The following LRRK1 variants were observed in gnomAD, a reference collection of about 807,000 sequenced individuals.
LRRK1 encodes leucine-rich repeat serine/threonine-protein kinase 1.
A neutral mutation model predicts 209.1 loss-of-function variants in LRRK1; 113 were observed. The observed-to-expected ratio is 0.54, with a 90% CI of 0.46 to 0.63. The LOEUF is 0.63. LRRK1 is among the 30% of genes least tolerant of loss of function. LRRK1 has a pLI of 0.00. For missense variants in LRRK1, 2,284 were observed against 2,632.2 expected (o/e 0.87, Z 2.89); for synonymous variants, 1,144 against 1,099.7 (o/e 1.04, Z -0.80).
At position 100,973,923 on chromosome 15, in the gene LRRK1, CT is replaced by C; in HGVS notation, c.218del (p.Leu73ArgfsTer19). ...GGGAGACCGCGGCGGCGCCCGGGAC[CT>C]GCTGGAGGAGGCCTGCGACCAGTGC... ...RRGDRGGARD[L>X]LEEACDQCAS... On this transcript the variant is annotated frameshift_variant, in exon 3 of 34. Coordinates refer to ENST00000388948, the MANE Select transcript of LRRK1 (RefSeq NM_024652.6). LOFTEE classifies it high-confidence loss of function. The C allele has an allele frequency of 7.9e-7, 1 of 1,263,714 alleles. No homozygotes were observed. The highest frequency in any genetic ancestry group is 1.5e-5 in the African/African-American group (1 of 64,550). The allele number at this position is 1,263,714 out of a possible 1,614,324, so 78.3% of individuals were successfully genotyped here.
rs1219411342 is a variant in LRRK1 at position 100,919,649 on chromosome 15, G to A, written c.-123+198G>A. Among the ~76,000 whole-genome samples the A allele has an allele frequency of 6.6e-6, 1 of 151,170 alleles. No individual in the cohort carries two copies. Among genetic ancestry groups the A allele is most frequent in the Non-Finnish European group, 1.5e-5 (1 of 67,674 alleles). ...CCGCGGCCCGAGGGGCGCGGAGGGC[G>A]TGTGGGGCGACCCCGGTCTCACGTC... On this transcript the variant is annotated intron_variant, in intron 1 of 33. Coordinates refer to ENST00000388948, the MANE Select transcript of LRRK1 (RefSeq NM_024652.6). The surrounding 1 kb of genome is among the most constrained non-coding windows in gnomAD (Gnocchi z 5.8).
At chr15:100,935,609 C>T (rs990357508) in intron 2 of LRRK1, among the ~76,000 whole-genome samples, 1 of 152,036 alleles carries the variant, frequency 6.6e-6, no homozygotes, top group African/African-American at 2.4e-5. Context: ...AGAGAAGGCA[C>T]CAGGAGGGCC....
At chr15:100,948,352 G>T (rs981413029) in intron 2 of LRRK1, among the ~76,000 whole-genome samples, 1 of 152,112 alleles carries the variant, frequency 6.6e-6, no homozygotes, top group Non-Finnish European at 1.5e-5. Flanking sequence ...CATGGGTTTC[G>T]TCCCCGCCGT....
intron 20 of LRRK1, among the ~76,000 whole-genome samples, chr15:101,042,337 T>A (rs1274037654): frequency 6.6e-6 from 1 of 152,018 alleles, no homozygotes; most frequent in Non-Finnish European, 1.5e-5. Context: ...TTTTTAAAGG[T>A]GTCACCCCAT....
intron 22 of LRRK1, chr15:101,049,431 T>C: frequency 2.0e-6 from 1 of 506,672 alleles, no homozygotes; most frequent in Non-Finnish European, 3.4e-6. Flanking sequence ...ACTGCAATCT[T>C]CCTCGTGCCT....
intron 2 of LRRK1, among the ~76,000 whole-genome samples, chr15:100,948,538 T>G (rs974335030): frequency 6.6e-6 from 1 of 152,240 alleles, no homozygotes; most frequent in African/African-American, 2.4e-5. Context: ...TTTTTCTAAG[T>G]CGCCATTTGT....
chr15:100,962,292 G>C (rs985021747), intron 2 of LRRK1, among the ~76,000 whole-genome samples: 2 of 152,178 alleles, frequency 1.3e-5, no homozygotes, highest in African/African-American at 4.8e-5. Context: ...CACTTTGGGA[G>C]GCCAAGGCGG....
intron 2 of LRRK1, among the ~76,000 whole-genome samples, chr15:100,940,852 T>C (rs1185285968): frequency 6.6e-6 from 1 of 152,240 alleles, no homozygotes; most frequent in East Asian, 1.9e-4. Context: ...AGCTGTCTTA[T>C]CTCAGTGACT....
At position 101,022,234 on chromosome 15, in the gene LRRK1, C is replaced by T; in HGVS notation, c.1853-149C>T. 2 of 791,358 alleles carry T rather than the reference C, an allele frequency of 2.5e-6. No individual in the cohort carries two copies. Among genetic ancestry groups the T allele is most frequent in the Non-Finnish European group, 2.0e-6 (1 of 489,908 alleles). 49.0% of individuals were successfully genotyped at this position (791,358 alleles called of 1,614,324 possible). A position where few individuals can be genotyped will look rare whatever the true frequency, so the allele number is the denominator to read the frequency against. On this transcript the variant is annotated intron_variant, in intron 14 of 33. Transcript: ENST00000388948. The surrounding 1 kb of genome is among the most constrained non-coding windows in gnomAD (Gnocchi z 4.0). The stretch of plus-strand genomic sequence containing the variant: ...AGTTCGCTTTTAGGGTGGTTAGTGT[C>T]ATGCCTTCCCTCCCCCTGATCCAGT...
At position 100,948,386 on chromosome 15, in the gene LRRK1, G is replaced by A. The variant is rs541314200; in HGVS notation, c.97+23657G>A. Among the ~76,000 whole-genome samples, 8 of 152,284 alleles carry A rather than the reference G, an allele frequency of 5.3e-5. No homozygotes were observed. The East Asian group carries it at 9.7e-4, about 18-fold the overall frequency. ...GTTTGAATGTGACTTATGAATGCAC[G>A]GAGGTCATGAAAGGGATGTAGTTTT... On this transcript the variant is annotated intron_variant, in intron 2 of 33. Transcript: ENST00000388948.
chr15:101,056,918 G>A lies in LRRK1; in HGVS notation c.4395G>A (p.Leu1465=). Residue 1465 remains leucine, a synonymous_variant, in exon 28 of 34, where the codon CTG becomes CTA. Transcript: ENST00000388948. ...TGCTGTCAGGACAGCGCCCTGCACT[G>A]GGCCACCACCAGCTCCAGATTGCCA... is the stretch of plus-strand genomic sequence containing the variant. ...YELLSGQRPA[L]GHHQLQIAKK... 1 of 1,614,140 alleles carries A rather than the reference G, an allele frequency of 6.2e-7. No homozygotes were observed. Among genetic ancestry groups the A allele is most frequent in the East Asian group, 2.2e-5 (1 of 44,882 alleles).
chr15:101,013,860 G>A (rs531838522), intron 10 of LRRK1, among the ~76,000 whole-genome samples: 36 of 152,108 alleles, frequency 2.4e-4, no homozygotes, highest in Non-Finnish European at 3.7e-4. Context: ...CTGCCACCCC[G>A]TCCCCAGACC....
chr15:101,036,257 A>G (rs1337399102), intron 20 of LRRK1, among the ~76,000 whole-genome samples: 1 of 152,162 alleles, frequency 6.6e-6, no homozygotes, highest in Non-Finnish European at 1.5e-5. Context: ...TGTCCCATAT[A>G]TCACTCATCG....
chr15:100,970,067 T>C (rs1450638768), intron 2 of LRRK1, among the ~76,000 whole-genome samples: 1 of 152,142 alleles, frequency 6.6e-6, no homozygotes, highest in Non-Finnish European at 1.5e-5. Context: ...TTTTTGTATT[T>C]TTAGTAGAGA....
intron 4 of LRRK1, among the ~76,000 whole-genome samples, chr15:100,985,252 G>A (rs1224942318): frequency 6.6e-6 from 1 of 152,176 alleles, no homozygotes; most frequent in Non-Finnish European, 1.5e-5. Context: ...GTGCTCCTGA[G>A]GAGCCAAAGG....
intron 31 of LRRK1, among the ~76,000 whole-genome samples, chr15:101,063,600 C>T (rs1054044960): frequency 6.6e-6 from 1 of 152,228 alleles, no homozygotes; most frequent in African/African-American, 2.4e-5. Flanking sequence ...ACTAAATGCA[C>T]AAGAAGCCTT....
intron 15 of LRRK1, among the ~76,000 whole-genome samples, chr15:101,023,434 G>C (rs577142034): frequency 6.6e-6 from 1 of 152,314 alleles, no homozygotes; most frequent in African/African-American, 2.4e-5. Flanking sequence ...ACAGAGAAAA[G>C]AGCCATGGAC....
At position 101,024,208 on chromosome 15, in the gene LRRK1, T is replaced by G. The variant is rs1051239821; in HGVS notation, c.2068-595T>G. ...CACACTGTGTCTTGGAGGCTGATGCTGCCTCACAGAGATGACTCCTTTCTG... is the reference window on the plus strand; with the variant it reads ...CACACTGTGTCTTGGAGGCTGATGCGGCCTCACAGAGATGACTCCTTTCTG... On this transcript the variant is annotated intron_variant, in intron 15 of 33. Transcript: ENST00000388948. This position sits in a 1 kb window ranked among gnomAD's most constrained non-coding sequence, Gnocchi z 4.6. Among the ~76,000 whole-genome samples, 8 of 152,264 alleles carry G rather than the reference T, an allele frequency of 5.3e-5. No homozygotes were observed. The highest frequency in any genetic ancestry group is 1.9e-4 in the African/African-American group (8 of 41,470).
At chr15:100,987,174 A>G (rs915676206) in intron 4 of LRRK1, among the ~76,000 whole-genome samples, 3 of 152,172 alleles carry the variant, frequency 2.0e-5, no homozygotes, top group Admixed American at 2.0e-4. Context: ...CCTCAGCCCT[A>G]TGCTACATGC....
Sources: allele counts gnomAD v4.1 joint callset (sites outside exome capture counted in the v4.1 genomes callset), GRCh38; gene constraint gnomAD v4.1.1; non-coding constraint Gnocchi (gnomAD v3.1); transcripts MANE v1.5; gene names NCBI Gene and HGNC (gene_info 2026-07-23, HGNC 2026-07-21).